Variants in FAM124A observed in about 807,000 individuals in gnomAD.
FAM124A encodes the protein protein FAM124A.
Under a neutral mutation model 24.5 loss-of-function variants are expected in FAM124A, and 23 were observed. The ratio of observed to expected loss-of-function variants is 0.94; its 90% confidence interval spans 0.68 to 1.33. FAM124A has a LOEUF of 1.33. FAM124A is among the 40% of genes most tolerant of loss of function. The pLI is 0.00. For synonymous variants in FAM124A, 287 were observed against 314.7 expected (o/e 0.91, Z 0.93); for missense variants, 623 against 722.8 (o/e 0.86, Z 1.58).
chr13:51,270,466 A>G (rs1340862997), intron 3 of FAM124A, among the ~76,000 whole-genome samples: 1 of 152,160 alleles, frequency 6.6e-6, no homozygotes, highest in Non-Finnish European at 1.5e-5. Flanking sequence ...TTACCACTCA[A>G]GAAAGCCCAC....
Position 51,270,991 on chromosome 13 carries a change from CA to C in FAM124A, c.835-9458del. Among the ~76,000 whole-genome samples, 4 of 152,226 alleles carry C rather than the reference CA, an allele frequency of 2.6e-5. 1 individual carries two copies. The South Asian group carries it at 8.3e-4, about 32-fold the overall frequency. ...AAGTTTTGTTATTTAAACAGATCTG[CA>C]GATAAGAACAAAATTAAAATTTATT... On this transcript the variant is annotated intron_variant, in intron 3 of 3. Coordinates refer to ENST00000322475, the MANE Select transcript of FAM124A (RefSeq NM_001242312.2).
chr13:51,231,889 A>T (rs1291179871), intron 2 of FAM124A, among the ~76,000 whole-genome samples: 2 of 152,250 alleles, frequency 1.3e-5, no homozygotes, highest in African/African-American at 2.4e-5. Flanking sequence ...AAAGTGGAAA[A>T]GTGATAGCTA....
rs1234009828 is a variant in FAM124A at position 51,282,198 on chromosome 13, T to G, written c.*942T>G. On this transcript the variant is annotated 3_prime_UTR_variant, in exon 4 of 4. Transcript: ENST00000322475. ...CCGCACTGTATACTGCTTTCTGCAGTGACCATGCTGGGTCACGCATCCTAT... is the reference window on the plus strand; with the variant it reads ...CCGCACTGTATACTGCTTTCTGCAGGGACCATGCTGGGTCACGCATCCTAT... 6.6e-6 allele frequency: 1 copy of G among 152,242 alleles called. No homozygotes were observed. Among genetic ancestry groups the G allele is most frequent in the Non-Finnish European group, 1.5e-5 (1 of 68,040 alleles). 9.4% of individuals were successfully genotyped at this position (152,242 alleles called of 1,614,324 possible).
chr13:51,258,121 C>T lies in FAM124A; in HGVS notation c.834+5920C>T, dbSNP rs777816202. Among the ~76,000 whole-genome samples, 3 of 152,146 alleles carry T rather than the reference C, an allele frequency of 2.0e-5. No homozygotes were observed. Among genetic ancestry groups the T allele is most frequent in the East Asian group, 1.9e-4 (1 of 5,196 alleles). ...AGCACCAGCTTGGTCTCTGTTTTCA[C>T]GTTCATATGGCATTCTCCCTGTGTG... On this transcript the variant is annotated intron_variant, in intron 3 of 3. Transcript: ENST00000322475. This position sits in a 1 kb window ranked among gnomAD's most constrained non-coding sequence, Gnocchi z 4.2.
At position 51,281,272 on chromosome 13, in the gene FAM124A, G is replaced by A. The variant is rs374633760; in HGVS notation, c.*16G>A. On this transcript the variant is annotated 3_prime_UTR_variant, in exon 4 of 4. Coordinates refer to ENST00000322475, the MANE Select transcript of FAM124A (RefSeq NM_001242312.2). ...CTACATCTGAATGCCCTCTGCTCTT[G>A]TTCTCGAAACACACAAACTCAGAGA... is the stretch of plus-strand genomic sequence containing the variant. The A allele has an allele frequency of 6.3e-5, 97 of 1,534,290 alleles. No homozygotes were observed. In the African/African-American group the frequency reaches 1.0e-3, roughly 16 times the overall value.
chr13:51,245,526 G>C (rs1299119617), intron 2 of FAM124A: 3 of 449,996 alleles, frequency 6.7e-6, no homozygotes, highest in Non-Finnish European at 1.2e-5. Flanking sequence ...TGTTAGAAAA[G>C]AAATGATTTG....
intron 2 of FAM124A, among the ~76,000 whole-genome samples, chr13:51,248,254 C>T (rs1368451211): frequency 2.0e-5 from 3 of 152,170 alleles, no homozygotes; most frequent in African/African-American, 7.2e-5. Context: ...TTAAACATCA[C>T]ATCAGATCAC....
In FAM124A at chr13:51,280,441, C is replaced by T; in HGVS notation, c.835-9C>T. On this transcript the variant is annotated splice_polypyrimidine_tract_variant and intron_variant, in intron 3 of 3. Coordinates refer to ENST00000322475, the MANE Select transcript of FAM124A (RefSeq NM_001242312.2). ...CCTGCACTAATGTGATCTGCCTCTC[C>T]CCCCACAGGCACAAAGGGTGCATAA... The T allele has an allele frequency of 6.3e-7, 1 of 1,577,502 alleles. No homozygotes were observed. The highest frequency in any genetic ancestry group is 8.6e-7 in the Non-Finnish European group (1 of 1,159,280).
intron 3 of FAM124A, among the ~76,000 whole-genome samples, chr13:51,265,542 G>A (rs1037072329): frequency 3.9e-5 from 6 of 152,242 alleles, no homozygotes; most frequent in East Asian, 3.9e-4. Flanking sequence ...TGGTTCTCGC[G>A]TGCCTAAATC....
chr13:51,241,220 C>T (rs778058457), intron 2 of FAM124A, among the ~76,000 whole-genome samples: 9 of 152,216 alleles, frequency 5.9e-5, no homozygotes, highest in Admixed American at 2.6e-4. Flanking sequence ...AGCCAGGACT[C>T]TGTAGGTGGA....
chr13:51,280,143 C>T (rs1954921167), intron 3 of FAM124A, among the ~76,000 whole-genome samples: 1 of 152,218 alleles, frequency 6.6e-6, no homozygotes, highest in African/African-American at 2.4e-5. Context: ...CTCAGCCAGG[C>T]CCATGTTCTT....
chr13:51,241,680 A>G (rs1017161286), intron 2 of FAM124A, among the ~76,000 whole-genome samples: 6 of 152,042 alleles, frequency 3.9e-5, no homozygotes, highest in Non-Finnish European at 5.9e-5. Context: ...CAAGTACCGG[A>G]GACTTGTCAG....
Position 51,283,564 on chromosome 13 carries a change from C to T in FAM124A, c.*2308C>T, listed in dbSNP as rs1205012917. On this transcript the variant is annotated 3_prime_UTR_variant, in exon 4 of 4. Coordinates refer to ENST00000322475, the MANE Select transcript of FAM124A (RefSeq NM_001242312.2). ...GACTTCAGAACCACAGGGCTCAGAACAGGAAGGAGCTTCTTTCTGCAGAGC... is the reference window on the plus strand; with the variant it reads ...GACTTCAGAACCACAGGGCTCAGAATAGGAAGGAGCTTCTTTCTGCAGAGC... 7 of 152,072 alleles carry T rather than the reference C, an allele frequency of 4.6e-5. No individual in the cohort carries two copies. Among genetic ancestry groups the T allele is most frequent in the Non-Finnish European group, 5.9e-5 (4 of 68,036 alleles). 9.4% of individuals were successfully genotyped at this position (152,072 alleles called of 1,614,324 possible).
chr13:51,253,937 C>T (rs1333940194), intron 3 of FAM124A, among the ~76,000 whole-genome samples: 1 of 152,184 alleles, frequency 6.6e-6, no homozygotes, highest in Non-Finnish European at 1.5e-5. Context: ...AGAAAGGATG[C>T]ATTACCTCTC....
rs1954964168 is a variant in FAM124A, at chr13:51,283,956, A to C, written c.*2700A>C. Reference sequence around the variant, plus strand: ...AGTGACCCTAAAGGACATCATAGACAACATTTGAAAGCAAGAAATGCAAAA... The same window carrying C: ...AGTGACCCTAAAGGACATCATAGACCACATTTGAAAGCAAGAAATGCAAAA... On this transcript the variant is annotated 3_prime_UTR_variant, in exon 4 of 4. Transcript: ENST00000322475. 1 of 152,210 alleles carries C rather than the reference A, an allele frequency of 6.6e-6. No individual in the cohort carries two copies. Among genetic ancestry groups the C allele is most frequent in the South Asian group, 2.1e-4 (1 of 4,834 alleles). The allele number at this position is 152,210 out of a possible 1,614,324, so 9.4% of individuals were successfully genotyped here.
At chr13:51,226,921 G>C (rs12429536) in intron 1 of FAM124A, among the ~76,000 whole-genome samples, 21 of 152,080 alleles carry the variant, frequency 1.4e-4, no homozygotes, top group Admixed American at 5.2e-4. Flanking sequence ...GAGGGATGAC[G>C]ATAGTAGTAC....
rs919286219 is a variant in FAM124A, at chr13:51,254,410, G to T, written c.834+2209G>T. On this transcript the variant is annotated intron_variant, in intron 3 of 3. Transcript: ENST00000322475. ...AAAAGTTGAAACTTTTTTTTTCTGG[G>T]ATCTACTCACCCCTTGTAAGAATTT... Among the ~76,000 whole-genome samples the T allele has an allele frequency of 2.6e-5, 4 of 151,762 alleles. No individual in the cohort carries two copies. In the East Asian group the frequency reaches 7.7e-4, roughly 29 times the overall value.
chr13:51,239,547 C>T (rs902851958), intron 2 of FAM124A, among the ~76,000 whole-genome samples: 1 of 152,170 alleles, frequency 6.6e-6, no homozygotes, highest in African/African-American at 2.4e-5. Context: ...ACTTTATTCA[C>T]CAGTTCACTA....
chr13:51,235,312 T>G (rs779956344), intron 2 of FAM124A, among the ~76,000 whole-genome samples: 16 of 152,096 alleles, frequency 1.1e-4, no homozygotes, highest in Non-Finnish European at 2.4e-4. Flanking sequence ...ATGTACAATT[T>G]ACATTCTTAT....
Sources: allele counts gnomAD v4.1 joint callset (sites outside exome capture counted in the v4.1 genomes callset), GRCh38; gene constraint gnomAD v4.1.1; non-coding constraint Gnocchi (gnomAD v3.1); transcripts MANE v1.5; gene names NCBI Gene and HGNC (gene_info 2026-07-23, HGNC 2026-07-21).